Variants in SEC16B observed in about 807,000 individuals in gnomAD.
SEC16B encodes SEC16 homolog B, endoplasmic reticulum export factor.
Under a neutral mutation model 141.8 loss-of-function variants are expected in SEC16B, and 115 were observed. The observed-to-expected ratio is 0.81, with a 90% CI of 0.70 to 0.95. The LOEUF (loss-of-function observed/expected upper bound fraction) is 0.95. SEC16B is among the 40% of genes least tolerant of loss of function. The probability of loss-of-function intolerance (pLI) is 0.00; values close to 1 mark genes in which losing one functional copy is unlikely to be tolerated. For synonymous variants in SEC16B, 493 were observed against 492.5 expected, an observed-to-expected ratio of 1.00 and a Z score of -0.01; for missense variants, 1,291 against 1,312.3, an observed-to-expected ratio of 0.98 and a Z score of 0.25.
chr1:177,943,212 T>C (rs1479749877), intron 15 of SEC16B, among the ~76,000 whole-genome samples: 2 of 152,096 alleles, frequency 1.3e-5, no homozygotes, highest in Non-Finnish European at 2.9e-5. Flanking sequence ...AAAGAGCCGG[T>C]CGAGGAACTG....
chr1:177,959,380 A>T, intron 8 of SEC16B: 3 of 223,690 alleles, frequency 1.3e-5, no homozygotes, highest in Non-Finnish European at 1.8e-5. Flanking sequence ...ACCTACCTCC[A>T]TACAAAAAGG....
chr1:177,939,645 G>T, intron 18 of SEC16B, 57 bp downstream of exon 18: 1 of 1,366,798 alleles, frequency 7.3e-7, no homozygotes, highest in Non-Finnish European at 1.0e-6. Context: ...ACTTTGTCTC[G>T]TAGAATCAGA....
chr1:177,967,830 T>A lies in SEC16B; in HGVS notation c.152A>T (p.Asp51Val), dbSNP rs1348698185. Reference protein sequence around the residue: ...HNGERFHQWQDNRGSPQPQQE... With the variant: ...HNGERFHQWQVNRGSPQPQQE... ...CTGTGGCTGGGGGCTCCCACGGTTG[T>A]CTTGCCATTGGTGAAACCTCTCTCC... The change falls in exon 2 of 26, where the codon GAC (aspartate) becomes GTC (valine). Residue 51 changes from aspartate (D) to valine (V), a missense_variant. Physicochemically the swap from Asp to Val is radical, Grantham distance 152. Around this residue, in one of 3 missense-constraint regions of SEC16B, gnomAD observed 681 missense variants for 675.5 expected, o/e 1.01. Transcript: ENST00000308284. The A allele has an allele frequency of 6.2e-7, 1 of 1,613,988 alleles. No individual in the cohort carries two copies. Among genetic ancestry groups the A allele is most frequent in the Non-Finnish European group, 8.5e-7 (1 of 1,179,884 alleles).
intron 6 of SEC16B, 21 bp downstream of exon 6, chr1:177,961,569 T>C (rs1244722888): frequency 6.3e-7 from 1 of 1,593,910 alleles, no homozygotes; most frequent in East Asian, 2.2e-5. Flanking sequence ...AATCAACTCT[T>C]CTGATCATTT....
intron 25 of SEC16B, among the ~76,000 whole-genome samples, chr1:177,930,162 A>G (rs1650308322): frequency 6.6e-6 from 1 of 152,208 alleles, no homozygotes; most frequent in African/African-American, 2.4e-5. Flanking sequence ...GTCTACCCAG[A>G]TTGCTGAGGA....
In SEC16B at chr1:177,932,586, C is replaced by T. The variant is rs1650518244; in HGVS notation, c.2933-17G>A. The T allele has an allele frequency of 6.5e-7, 1 of 1,546,316 alleles. No individual in the cohort carries two copies. Among genetic ancestry groups the T allele is most frequent in the African/African-American group, 1.4e-5 (1 of 72,778 alleles). ...CACCCCCACCTGGAAAGTAATGAGGCAGAGCTGTTTCCTCTGCTCAGGACT... is the reference window on the plus strand; with the variant it reads ...CACCCCCACCTGGAAAGTAATGAGGTAGAGCTGTTTCCTCTGCTCAGGACT... On this transcript the variant is annotated splice_polypyrimidine_tract_variant and intron_variant, in intron 23 of 25. Coordinates refer to ENST00000308284, the MANE Select transcript of SEC16B (RefSeq NM_033127.4).
intron 8 of SEC16B, 39 bp from the exon 9 acceptor site, chr1:177,959,014 C>T: frequency 6.3e-7 from 1 of 1,594,338 alleles, no homozygotes. Flanking sequence ...AGTGAGCAGG[C>T]AGACACTTCC....
chr1:177,982,732 G>GT (rs1281909901), intron 1 of SEC16B, among the ~76,000 whole-genome samples: 1 of 152,080 alleles, frequency 6.6e-6, no homozygotes, highest in African/African-American at 2.4e-5. Context: ...TTTTAGTTTA[G>GT]TTTTTGACTC....
intron 24 of SEC16B, 124 bp from the exon 25 acceptor site, chr1:177,930,767 T>C (rs1650357712): frequency 3.1e-6 from 2 of 645,602 alleles, no homozygotes; most frequent in East Asian, 2.8e-5. Context: ...AAGTTCCTTA[T>C]CGACTCTCCA....
Position 177,958,850 on chromosome 1 carries a change from C to T in SEC16B, c.1124G>A (p.Arg375His), listed in dbSNP as rs559908798. 114 of 1,613,292 alleles carry T rather than the reference C, an allele frequency of 7.1e-5. No homozygotes were observed. Among genetic ancestry groups the T allele is most frequent in the South Asian group, 7.7e-5 (7 of 91,034 alleles). Residue 375 changes from arginine to histidine, a missense_variant, in exon 9 of 26, where the codon CGC becomes CAC. This residue lies in a region of SEC16B where 681 missense variants were observed against 675.5 expected (regional missense o/e 1.01). Transcript: ENST00000308284. ...LLWQLLVLLC[R>H]QNGSMVGSDI... ...CAGAACAGAACTTACCCCATTCTGG[C>T]GACAAAGGAGAACCAAGAGCTGCCA... is the stretch of plus-strand genomic sequence containing the variant.
chr1:177,933,287 C>A lies in SEC16B; in HGVS notation c.2750G>T (p.Trp917Leu). The A allele has an allele frequency of 6.2e-7, 1 of 1,600,708 alleles. No individual in the cohort carries two copies. Among genetic ancestry groups the A allele is most frequent in the Non-Finnish European group, 8.5e-7 (1 of 1,173,834 alleles). Residue 917 changes from tryptophan to leucine, a missense_variant, in exon 22 of 26, where the codon TGG becomes TTG. Trp to Leu is a moderately conservative substitution (Grantham distance 61). Around this residue, in one of 3 missense-constraint regions of SEC16B, gnomAD observed 605 missense variants for 614.1 expected, o/e 0.99. Coordinates refer to ENST00000308284, the MANE Select transcript of SEC16B (RefSeq NM_033127.4). ...GTTCTTGGTGGGCTTCGATCGAAACCAGCTGAACCAGCCAAACCCTGAGCT... is the reference window on the plus strand; with the variant it reads ...GTTCTTGGTGGGCTTCGATCGAAACAAGCTGAACCAGCCAAACCCTGAGCT... ...TKSSGFGWFS[W>L]FRSKPTKNAS...
At chr1:177,944,749 T>G in intron 14 of SEC16B, 83 bp from the exon 15 acceptor site, 1 of 1,137,240 alleles carries the variant, frequency 8.8e-7, no homozygotes, top group Admixed American at 1.9e-5. Flanking sequence ...AAACACCAGC[T>G]GCAGCCTTTC....
rs765931469 is a variant in SEC16B at position 177,958,878 on chromosome 1, G to C, written c.1096C>G (p.Leu366Val). ...CAAAGGAGAACCAAGAGCTGCCACA[G>C]TAGAGCTGAGTCTCTGCTCCCCAGT... ...ETLGSRDSAL[L>V]WQLLVLLCRQ... The change falls in exon 9 of 26, where the codon CTG (leucine) becomes GTG (valine). Residue 366 changes from leucine (L) to valine (V), a missense_variant. Transcript: ENST00000308284. 1 of 1,613,822 alleles carries C rather than the reference G, an allele frequency of 6.2e-7. No homozygotes were observed. Among genetic ancestry groups the C allele is most frequent in the African/African-American group, 1.3e-5 (1 of 75,046 alleles).
At chr1:177,954,448 T>A in intron 10 of SEC16B, 72 bp from the exon 11 acceptor site, 1 of 1,233,070 alleles carries the variant, frequency 8.1e-7, no homozygotes, top group Non-Finnish European at 1.2e-6. Context: ...GCTTAGGTGC[T>A]GCTGCATCCT....
intron 14 of SEC16B, 195 bp downstream of exon 14, chr1:177,946,225 C>G (rs1377636056): frequency 1.6e-6 from 1 of 640,898 alleles, no homozygotes; most frequent in Non-Finnish European, 2.8e-6. Context: ...CCTGAGGCCC[C>G]CGCCAATGCT....
At chr1:177,930,488 C>T in intron 25 of SEC16B, 57 bp downstream of exon 25, 2 of 1,179,830 alleles carry the variant, frequency 1.7e-6, no homozygotes, top group East Asian at 2.4e-5. Flanking sequence ...AAACCTAGGT[C>T]TCCTTAATCC....
At chr1:177,945,353 T>C (rs1651604307) in intron 14 of SEC16B, 1 of 152,276 alleles carries the variant, frequency 6.6e-6, no homozygotes, top group Non-Finnish European at 1.5e-5. Context: ...GGTAGGACTT[T>C]ATTTCCAAGA....
rs1652950520 is a variant in SEC16B at position 177,960,240 on chromosome 1, T to A, written c.998+102A>T. On this transcript the variant is annotated intron_variant, in intron 8 of 25. Transcript: ENST00000308284. Reference sequence around the variant, plus strand: ...TCCACTCCAACAAGGACAGATATTTTTTTCCAAGGAAACCAAGAACAAATC... The same window carrying A: ...TCCACTCCAACAAGGACAGATATTTATTTCCAAGGAAACCAAGAACAAATC... 3 of 796,290 alleles carry A rather than the reference T, an allele frequency of 3.8e-6. No homozygotes were observed. In the Admixed American group the frequency reaches 6.5e-5, roughly 17 times the overall value. The allele number at this position is 796,290 out of a possible 1,614,324, so 49.3% of individuals were successfully genotyped here.
At chr1:177,963,649 A>C (rs1653264935) in intron 5 of SEC16B, among the ~76,000 whole-genome samples, 1 of 152,178 alleles carries the variant, frequency 6.6e-6, no homozygotes. Context: ...ATTTTCCACA[A>C]ATCTAAAATT....
Sources: gnomAD v4.1 joint callset for allele counts (sites outside exome capture counted in the v4.1 genomes callset) on GRCh38, gnomAD v4.1.1 for gene constraint, gnomAD v4.1.1 regional missense constraint, MANE v1.5 for transcripts, NCBI Gene and HGNC (gene_info 2026-07-23, HGNC 2026-07-21) for gene names.